The following HDAC9 variants were observed in gnomAD, a reference collection of about 807,000 sequenced individuals.
HDAC9 encodes MEF-2 interacting transcription repressor (MITR) protein.
In HDAC9, 41 loss-of-function variants were observed where a neutral mutation model predicts 139.4. That is an observed-to-expected ratio of 0.29 (90% confidence interval 0.23 to 0.38). The LOEUF (loss-of-function observed/expected upper bound fraction) is 0.38, where lower values mean the gene tolerates loss of function less well. Ranked by LOEUF, HDAC9 falls within the 10% of genes least tolerant of loss-of-function variation. The probability of loss-of-function intolerance (pLI) is 1.00; values close to 1 mark genes in which losing one functional copy is unlikely to be tolerated. For synonymous variants in HDAC9, 517 were observed against 476.2 expected (o/e 1.09, Z -1.12); for missense variants, 1,147 against 1,297.0 (o/e 0.88, Z 1.78).
At chr7:18,798,304 C>T (rs1335137077) in intron 17 of HDAC9, among the ~76,000 whole-genome samples, 1 of 152,120 alleles carries the variant, frequency 6.6e-6, no homozygotes, top group Non-Finnish European at 1.5e-5. Context: ...AATGATAAAA[C>T]AGGCAAAATG....
intron 16 of HDAC9, among the ~76,000 whole-genome samples, chr7:18,778,775 CCAGAGCA>C (rs1426828479): frequency 6.6e-6 from 1 of 151,970 alleles, no homozygotes; most frequent in African/African-American, 2.4e-5. Flanking sequence ...AGCCCTTTCG[CCAGAGCA>C]AACATATTCC....
chr7:18,900,949 C>T (rs73322120), intron 22 of HDAC9, among the ~76,000 whole-genome samples: 8,640 of 151,932 alleles, frequency 0.057, 673 homozygotes, highest in African/African-American at 0.17. Context: ...GGATGGACCC[C>T]GCCCCTTACT....
intron 1 of HDAC9, among the ~76,000 whole-genome samples, chr7:18,367,089 G>A (rs1784242295): frequency 6.6e-6 from 1 of 151,726 alleles, no homozygotes; most frequent in Admixed American, 6.6e-5. Context: ...TAATGCTTTT[G>A]TTTCTTTTTC....
chr7:18,214,974 T>C (rs1792196142), intron 2 of HDAC9, among the ~76,000 whole-genome samples: 1 of 152,126 alleles, frequency 6.6e-6, no homozygotes, highest in African/African-American at 2.4e-5. Context: ...TCTTGAAAGA[T>C]ACCATAAAAT....
chr7:18,462,824 T>C (rs1793965380), intron 1 of HDAC9, among the ~76,000 whole-genome samples: 1 of 152,052 alleles, frequency 6.6e-6, no homozygotes, highest in African/African-American at 2.4e-5. Context: ...TTTGATCATG[T>C]TTAATAGTGT....
chr7:18,140,296 A>C (rs73062418), intron 1 of HDAC9, among the ~76,000 whole-genome samples: 2 of 152,264 alleles, frequency 1.3e-5, no homozygotes, highest in African/African-American at 2.4e-5. Context: ...CCTCCATCCC[A>C]TGGGAGACAG....
At chr7:18,401,332 C>T (rs948872861) in intron 1 of HDAC9, among the ~76,000 whole-genome samples, 2 of 152,206 alleles carry the variant, frequency 1.3e-5, no homozygotes, top group Non-Finnish European at 2.9e-5. Context: ...TGCACAGCTG[C>T]TTTGCATGAT....
At chr7:18,646,356 G>C (rs1272608924) in intron 9 of HDAC9, among the ~76,000 whole-genome samples, 1 of 152,124 alleles carries the variant, frequency 6.6e-6, no homozygotes, top group Non-Finnish European at 1.5e-5. Context: ...TGTTTCAGAG[G>C]TAATACGATT....
intron 1 of HDAC9, among the ~76,000 whole-genome samples, chr7:18,315,005 C>T (rs999675596): frequency 8.5e-5 from 13 of 152,094 alleles, no homozygotes; most frequent in South Asian, 2.1e-4. Flanking sequence ...GGTTGAAAAA[C>T]CTTGGCAAGA....
chr7:18,316,617 C>T (rs1398542396), intron 1 of HDAC9, among the ~76,000 whole-genome samples: 7 of 98,432 alleles, frequency 7.1e-5, no homozygotes, highest in South Asian at 3.7e-4. Context: ...GGCAACATGG[C>T]GAAACCAGAT....
At chr7:18,308,932 G>A (rs1203592400) in intron 1 of HDAC9, among the ~76,000 whole-genome samples, 1 of 152,146 alleles carries the variant, frequency 6.6e-6, no homozygotes, top group South Asian at 2.1e-4. Flanking sequence ...TGTAGAAACA[G>A]GTCCAGAAAC....
chr7:18,503,172 T>A (rs1798844693), intron 2 of HDAC9, among the ~76,000 whole-genome samples: 1 of 152,216 alleles, frequency 6.6e-6, no homozygotes, highest in Admixed American at 6.5e-5. Flanking sequence ...TATGTTGGCC[T>A]CTGCCTCAAA....
At chr7:18,449,701 A>C (rs1792636008) in intron 1 of HDAC9, among the ~76,000 whole-genome samples, 1 of 152,188 alleles carries the variant, frequency 6.6e-6, no homozygotes, top group African/African-American at 2.4e-5. Flanking sequence ...TTAAAGAAGG[A>C]GCTCAGAGTT....
At chr7:18,893,033 G>GGA (rs1554395074) in intron 22 of HDAC9, among the ~76,000 whole-genome samples, 3 of 66,890 alleles carry the variant, frequency 4.5e-5, no homozygotes, top group Non-Finnish European at 8.0e-5. Flanking sequence ...GTAATAGGCC[G>GGA]AAAAAAAAAA....
chr7:18,630,510 AG>A (rs1319162387), intron 7 of HDAC9, among the ~76,000 whole-genome samples: 13 of 152,232 alleles, frequency 8.5e-5, no homozygotes, highest in Non-Finnish European at 1.9e-4. Context: ...GCAACCTGAA[AG>A]TTTGGCCGAT....
chr7:18,375,229 G>T (rs1487740800), intron 1 of HDAC9, among the ~76,000 whole-genome samples: 1 of 152,202 alleles, frequency 6.6e-6, no homozygotes, highest in Non-Finnish European at 1.5e-5. Flanking sequence ...CAGCACTTTG[G>T]GAGGCTGAGG....
Position 18,512,867 on chromosome 7 carries a change from G to C in HDAC9, c.22+16543G>C, listed in dbSNP as rs545245151. Among the ~76,000 whole-genome samples, 27 of 152,280 alleles carry C rather than the reference G, an allele frequency of 1.8e-4. No individual in the cohort carries two copies. The East Asian group carries it at 5.2e-3, about 29-fold the overall frequency. On this transcript the variant is annotated intron_variant, in intron 2 of 25. Transcript: ENST00000686413. ...TGGCAGTTTTGTAAAGCAACAAATGGAGAGAAGAAGCCTAGATGTCAAGTC... is the reference window on the plus strand; with the variant it reads ...TGGCAGTTTTGTAAAGCAACAAATGCAGAGAAGAAGCCTAGATGTCAAGTC...
chr7:18,449,931 T>C (rs1360186429), intron 1 of HDAC9, among the ~76,000 whole-genome samples: 1 of 152,176 alleles, frequency 6.6e-6, no homozygotes, highest in Non-Finnish European at 1.5e-5. Flanking sequence ...TTTTAAAATA[T>C]GTTTCACCTA....
Position 18,802,518 on chromosome 7 carries a change from C to G in HDAC9, c.2322+9066C>G, listed in dbSNP as rs181408056. On this transcript the variant is annotated intron_variant, in intron 17 of 25. Transcript: ENST00000686413. ...GTAATATTTTATATGTCCATTAGCACAAGCTTATTAATTATTTTGTTAAAA... is the reference window on the plus strand; with the variant it reads ...GTAATATTTTATATGTCCATTAGCAGAAGCTTATTAATTATTTTGTTAAAA... Among the ~76,000 whole-genome samples, 345 of 151,950 alleles carry G rather than the reference C, an allele frequency of 2.3e-3. 2 individuals are homozygous for G. In the South Asian group the frequency reaches 0.023, roughly 10 times the overall value.
Sources: allele counts gnomAD v4.1 joint callset (sites outside exome capture counted in the v4.1 genomes callset), GRCh38; gene constraint gnomAD v4.1.1; transcripts MANE v1.5; gene names NCBI Gene and HGNC (gene_info 2026-07-23, HGNC 2026-07-21).